PTCH1: variants seen among roughly 807,000 people sequenced by gnomAD.
The protein encoded by PTCH1 is protein patched homolog 1.
PTCH1 carries 14 observed loss-of-function variants against 144.6 expected under a neutral mutation model. The ratio of observed to expected loss-of-function variants is 0.10; its 90% confidence interval spans 0.06 to 0.15. PTCH1 has a LOEUF of 0.15. PTCH1 is among the 10% of genes least tolerant of loss of function. The probability of loss-of-function intolerance (pLI) is 1.00; values close to 1 mark genes in which losing one functional copy is unlikely to be tolerated. For missense variants in PTCH1, 1,623 were observed against 1,948.3 expected (o/e 0.83, Z 3.14); for synonymous variants, 833 against 793.6 (o/e 1.05, Z -0.83).
Position 95,476,763 on chromosome 9 carries a change from A to C in PTCH1, c.1598T>G (p.Phe533Cys), listed in dbSNP as rs1318015818. Residue 533 changes from phenylalanine (F) to cysteine (C), a missense_variant, in exon 11 of 24, where the codon TTT (phenylalanine) becomes TGT (cysteine). Transcript: ENST00000331920. This position sits in a 1 kb window ranked among gnomAD's most constrained non-coding sequence, Gnocchi z 4.6. ...CTTCTTTTGTTTTTGCATTACCTCA[A>C]AAGGGATTCTTTTATTCTGTCCTGT... ...SETGQNKRIPFEDRTGECLKR... is the reference protein window; with the variant it reads ...SETGQNKRIPCEDRTGECLKR... 6.2e-7 allele frequency: 1 copy of C among 1,613,532 alleles called. No individual in the cohort carries two copies. The highest frequency in any genetic ancestry group is 8.5e-7 in the Non-Finnish European group (1 of 1,179,552).
chr9:95,447,946 G>A (rs777394234), intron 22 of PTCH1, among the ~76,000 whole-genome samples: 4 of 152,156 alleles, frequency 2.6e-5, no homozygotes, highest in Admixed American at 6.5e-5. Context: ...CCAGCTCCTC[G>A]GTAGCCCCGG....
In PTCH1 at chr9:95,476,081, T is replaced by G; in HGVS notation, c.1681A>C (p.Met561Leu). The stretch of plus-strand genomic sequence containing the variant: ...GCGGGAATTGGGATTAACGCGGCCA[T>G]GAAGAAGGCTGTGACATTGCTGATG... The part of the protein sequence containing the change: ...TSISNVTAFF[M>L]AALIPIPALR... The change falls in exon 12 of 24, where the codon ATG becomes CTG. Residue 561 changes from methionine to leucine, a missense_variant. By Grantham distance (15) the Met-to-Leu change is conservative. Coordinates refer to ENST00000331920, the MANE Select transcript of PTCH1 (RefSeq NM_000264.5). This position sits in a 1 kb window ranked among gnomAD's most constrained non-coding sequence, Gnocchi z 4.6. 1 of 1,613,994 alleles carries G rather than the reference T, an allele frequency of 6.2e-7. No homozygotes were observed. The highest frequency in any genetic ancestry group is 1.1e-5 in the South Asian group (1 of 91,026).
rs1349048226 is a variant in PTCH1 at position 95,479,008 on chromosome 9, A to G, written c.1207T>C (p.Tyr403His). Reference protein sequence around the residue: ...AAILEAWQRTYVEVVHQSVAQ... With the variant: ...AAILEAWQRTHVEVVHQSVAQ... ...TTCGAAGGTGGGTTTACCTCCACAT[A>G]TGTCCTCTGCCAGGCCTCCAGGATG... The change falls in exon 8 of 24, where the codon TAT becomes CAT. Residue 403 changes from tyrosine to histidine, a missense_variant. Coordinates refer to ENST00000331920, the MANE Select transcript of PTCH1 (RefSeq NM_000264.5). 1.4e-5 allele frequency: 23 copies of G among 1,614,084 alleles called. No individual in the cohort carries two copies. Among genetic ancestry groups the G allele is most frequent in the Non-Finnish European group, 1.8e-5 (21 of 1,180,052 alleles).
intron 3 of PTCH1, chr9:95,484,338 G>A (rs996666879): frequency 3.3e-5 from 5 of 152,186 alleles, no homozygotes; most frequent in Non-Finnish European, 5.9e-5. Flanking sequence ...TTGCATTCAT[G>A]TATCTGGTCT....
chr9:95,457,259 T>A (rs1432258374), intron 18 of PTCH1, among the ~76,000 whole-genome samples: 1 of 27,152 alleles, frequency 3.7e-5, no homozygotes, highest in Non-Finnish European at 7.1e-5. Context: ...TGGGCAGAGG[T>A]GGAGGGAGGG....
chr9:95,471,986 G>A (rs912595921), intron 12 of PTCH1, among the ~76,000 whole-genome samples: 9 of 152,288 alleles, frequency 5.9e-5, no homozygotes, highest in African/African-American at 7.2e-5. Flanking sequence ...GTGGTGAGCC[G>A]AGATCGCACC....
At chr9:95,494,587 G>GC (rs1245314408) in intron 2 of PTCH1, among the ~76,000 whole-genome samples, 2 of 152,178 alleles carry the variant, frequency 1.3e-5, no homozygotes, top group Non-Finnish European at 2.9e-5. Context: ...CCGCTCAAGC[G>GC]CAACAGGCAG....
chr9:95,456,959 TG>T (rs1197832858), intron 18 of PTCH1, among the ~76,000 whole-genome samples: 1 of 152,096 alleles, frequency 6.6e-6, no homozygotes, highest in East Asian at 1.9e-4. Context: ...AAAGATGATG[TG>T]GGGGCCAGGT....
rs1841400047 is a variant in PTCH1, at chr9:95,479,999, G to A, written c.1037C>T (p.Thr346Ile). 1.2e-6 allele frequency: 2 copies of A among 1,614,104 alleles called. No homozygotes were observed. Among genetic ancestry groups the A allele is most frequent in the East Asian group, 4.5e-5 (2 of 44,870 alleles). ...GAGTTTTCCAGTGCTGTTCTTGACT[G>A]TGCCACCCACAATCAACTCCTCCTG... is the stretch of plus-strand genomic sequence containing the variant. ...HWQEELIVGG[T>I]VKNSTGKLVS... The change falls in exon 7 of 24, where the codon ACA becomes ATA. Residue 346 changes from threonine (T) to isoleucine (I), a missense_variant. Physicochemically the swap from Thr to Ile is moderately conservative, Grantham distance 89 (BLOSUM62 -1). This residue lies in a region of PTCH1 where 230 missense variants were observed against 271.0 expected (regional missense o/e 0.85). Coordinates refer to ENST00000331920, the MANE Select transcript of PTCH1 (RefSeq NM_000264.5).
Position 95,508,460 on chromosome 9 carries a change from C to A in PTCH1, c.-99G>T. On this transcript the variant is annotated 5_prime_UTR_variant, in exon 1 of 24. Transcript: ENST00000331920. Reference sequence around the variant, plus strand: ...CGGGCTCCTGGCGCGCCTGGGCGCTCGGCTTGCGAGGACGCTGCTGGCCGC... The same window carrying A: ...CGGGCTCCTGGCGCGCCTGGGCGCTAGGCTTGCGAGGACGCTGCTGGCCGC... 9.8e-7 allele frequency: 1 copy of A among 1,024,154 alleles called. No individual in the cohort carries two copies. The highest frequency in any genetic ancestry group is 4.4e-5 in the South Asian group (1 of 22,480). The allele number at this position is 1,024,154 out of a possible 1,614,324, so 63.4% of individuals were successfully genotyped here. A position where few individuals can be genotyped will look rare whatever the true frequency, so the allele number is the denominator to read the frequency against.
At chr9:95,465,002 T>C (rs1839874687) in intron 15 of PTCH1, among the ~76,000 whole-genome samples, 1 of 151,990 alleles carries the variant, frequency 6.6e-6, no homozygotes, top group Non-Finnish European at 1.5e-5. Flanking sequence ...CCTGGGACCC[T>C]GATTGCTTAG....
In PTCH1 at chr9:95,481,464, T is replaced by C. The variant is rs556562795; in HGVS notation, c.746+485A>G. ...TGCTAAACGGTGAAACATTCCCTAC[T>C]GTGGCCTTCACAGATAGTGGATTTC... On this transcript the variant is annotated intron_variant, in intron 5 of 23. Transcript: ENST00000331920. Among the ~76,000 whole-genome samples, 3 of 152,356 alleles carry C rather than the reference T, an allele frequency of 2.0e-5. No homozygotes were observed. In the East Asian group the frequency reaches 5.8e-4, roughly 29 times the overall value.
In PTCH1 at chr9:95,466,967, C is replaced by T. The variant is rs1242685951; in HGVS notation, c.2560+149G>A. 7 of 861,102 alleles carry T rather than the reference C, an allele frequency of 8.1e-6. No individual in the cohort carries two copies. In the African/African-American group the frequency reaches 1.0e-4, roughly 13 times the overall value. The allele number at this position is 861,102 out of a possible 1,614,324, so 53.3% of individuals were successfully genotyped here. A position where few individuals can be genotyped will look rare whatever the true frequency, so the allele number is the denominator to read the frequency against. On this transcript the variant is annotated intron_variant, in intron 15 of 23. Transcript: ENST00000331920. ...CTGGGAGGCTGCTGCAGAAACAGTT[C>T]ATGTAAGAATCTTGAGCAACTCTTA... is the stretch of plus-strand genomic sequence containing the variant.
At chr9:95,464,874 A>G (rs1225792381) in intron 15 of PTCH1, among the ~76,000 whole-genome samples, 1 of 152,184 alleles carries the variant, frequency 6.6e-6, no homozygotes, top group African/African-American at 2.4e-5. Flanking sequence ...CAAACACCAC[A>G]TCAACCATTC....
chr9:95,451,843 C>T (rs1838484404), intron 20 of PTCH1: 2 of 152,298 alleles, frequency 1.3e-5, no homozygotes, highest in South Asian at 2.1e-4. Context: ...AAGCTAAAAT[C>T]AAACTAAGAA....
At chr9:95,478,324 G>T in intron 8 of PTCH1, 138 bp from the exon 9 acceptor site, 2 of 1,332,474 alleles carry the variant, frequency 1.5e-6, no homozygotes, top group Non-Finnish European at 1.0e-6. Flanking sequence ...CGTGATTCCA[G>T]GGCAGGGAGA....
chr9:95,480,332 G>A (rs2118407170), intron 6 of PTCH1, 58 bp downstream of exon 6: 7 of 1,581,182 alleles, frequency 4.4e-6, no homozygotes, highest in Admixed American at 1.7e-5. Context: ...ACGATGAATG[G>A]ACACAAAAAA....
chr9:95,479,212 A>C, intron 7 of PTCH1, 65 bp from the exon 8 acceptor site: 3 of 1,606,236 alleles, frequency 1.9e-6, no homozygotes, highest in Non-Finnish European at 2.6e-6. Flanking sequence ...CACTGCCTCA[A>C]ATCCCCAGCC....
chr9:95,472,316 C>T (rs1328503763), intron 12 of PTCH1, among the ~76,000 whole-genome samples: 1 of 152,160 alleles, frequency 6.6e-6, no homozygotes, highest in African/African-American at 2.4e-5. Flanking sequence ...TCCAGTAAAT[C>T]AGATCAAACA....
Sources: gnomAD v4.1 joint callset for allele counts (sites outside exome capture counted in the v4.1 genomes callset) on GRCh38, gnomAD v4.1.1 for gene constraint, gnomAD v4.1.1 regional missense constraint, Gnocchi (gnomAD v3.1) non-coding constraint, MANE v1.5 for transcripts, NCBI Gene and HGNC (gene_info 2026-07-23, HGNC 2026-07-21) for gene names.